Variants in WNK1 observed in about 807,000 individuals in gnomAD.
WNK1 encodes the protein serine/threonine-protein kinase WNK1.
In WNK1, 38 loss-of-function variants were observed where a neutral mutation model predicts 222.8. The observed-to-expected ratio is 0.17, with a 90% confidence interval of 0.13 to 0.22. The LOEUF (loss-of-function observed/expected upper bound fraction) is 0.22. WNK1 is among the 10% of genes least tolerant of loss of function. WNK1 has a pLI of 1.00. For missense variants in WNK1, 2,348 were observed against 2,918.4 expected (o/e 0.80, Z 4.50); for synonymous variants, 1,090 against 1,092.9 (o/e 1.00, Z 0.05).
intron 8 of WNK1, 31 bp downstream of exon 8, chr12:862,301 A>G: frequency 6.2e-7 from 1 of 1,608,162 alleles, no homozygotes; most frequent in Non-Finnish European, 8.5e-7. Context: ...ATGTAATACT[A>G]CAATGAGAGC....
intron 1 of WNK1, among the ~76,000 whole-genome samples, chr12:792,733 A>G (rs951663599): frequency 1.3e-5 from 2 of 152,128 alleles, no homozygotes; most frequent in Non-Finnish European, 2.9e-5. Context: ...TCTTGACCCT[A>G]ACCTCCTTTA....
intron 14 of WNK1, among the ~76,000 whole-genome samples, chr12:882,504 C>T (rs1953264895): frequency 6.6e-6 from 1 of 152,166 alleles, no homozygotes; most frequent in Admixed American, 6.5e-5. Context: ...TTATATAGTA[C>T]TCTTCTCATT....
chr12:758,595 G>C (rs941389472), intron 1 of WNK1, among the ~76,000 whole-genome samples: 2 of 146,136 alleles, frequency 1.4e-5, no homozygotes, highest in Admixed American at 1.4e-4. Context: ...CACCTTGTTA[G>C]CCAGGATGGT....
intron 1 of WNK1, among the ~76,000 whole-genome samples, chr12:776,280 TG>T (rs1943073210): frequency 6.6e-6 from 1 of 152,140 alleles, no homozygotes; most frequent in African/African-American, 2.4e-5. Flanking sequence ...AGTGATCCTT[TG>T]CCTCAGCCTC....
intron 26 of WNK1, chr12:901,585 C>T (rs1955265071): frequency 1.6e-6 from 2 of 1,288,990 alleles, no homozygotes. Flanking sequence ...AACTGTGCAT[C>T]TGAACAGGTG....
At chr12:770,259 C>G (rs1341521229) in intron 1 of WNK1, among the ~76,000 whole-genome samples, 1 of 152,204 alleles carries the variant, frequency 6.6e-6, no homozygotes, top group African/African-American at 2.4e-5. Context: ...TAGGCGTGAG[C>G]CACTGCGCCC....
chr12:834,628 G>T (rs192334601), intron 4 of WNK1, among the ~76,000 whole-genome samples: 277 of 152,282 alleles, frequency 1.8e-3, no homozygotes, highest in Non-Finnish European at 2.3e-3. Context: ...ATACGATCTT[G>T]AGCAATTCAC....
chr12:842,690 T>TC (rs1279685733), intron 4 of WNK1, among the ~76,000 whole-genome samples: 18 of 152,224 alleles, frequency 1.2e-4, no homozygotes, highest in Non-Finnish European at 2.1e-4. Flanking sequence ...TAAAACTTGT[T>TC]CCTTTGAATT....
At chr12:847,506 C>T (rs1285972408) in intron 4 of WNK1, among the ~76,000 whole-genome samples, 2 of 152,134 alleles carry the variant, frequency 1.3e-5, no homozygotes, top group African/African-American at 2.4e-5. Context: ...ACCAGTTTGA[C>T]TGAACTTACT....
chr12:867,753 A>G (rs1951796949), intron 8 of WNK1: 1 of 1,128,316 alleles, frequency 8.9e-7, no homozygotes, highest in Non-Finnish European at 1.3e-6. Flanking sequence ...TTTATTAATT[A>G]TAAATTTAGT....
In WNK1 at chr12:879,704, G is replaced by A. The variant is rs1207329630; in HGVS notation, c.2505G>A (p.Leu835=). 1.2e-6 allele frequency: 2 copies of A among 1,613,622 alleles called. No individual in the cohort carries two copies. Among genetic ancestry groups the A allele is most frequent in the Admixed American group, 3.3e-5 (2 of 59,946 alleles). ...LPVGQPLPTP[L]LPQYPVSQIP... is the part of the protein sequence containing the mutation. ...TGGGACAGCCGCTCCCTACTCCCTT[G>A]CTCCCTCAGTACCCTGTCTCTCAGA... The change falls in exon 11 of 28, where the codon TTG becomes TTA. Residue 835 remains leucine, a synonymous_variant. Transcript: ENST00000315939.
chr12:828,756 T>G (rs2154027098), intron 3 of WNK1, among the ~76,000 whole-genome samples: 1 of 152,362 alleles, frequency 6.6e-6, no homozygotes, highest in South Asian at 2.1e-4. Context: ...TTTGATAAGC[T>G]TTCACTCTAT....
chr12:760,573 G>C (rs1940872632), intron 1 of WNK1, among the ~76,000 whole-genome samples: 2 of 147,622 alleles, frequency 1.4e-5, no homozygotes, highest in Admixed American at 1.3e-4. Flanking sequence ...GCTATAAATT[G>C]TCACCTATTA....
At chr12:780,378 A>G (rs1432885947) in intron 1 of WNK1, among the ~76,000 whole-genome samples, 2 of 152,210 alleles carry the variant, frequency 1.3e-5, no homozygotes, top group Non-Finnish European at 2.9e-5. Flanking sequence ...CTTTTCTTCT[A>G]AGTTTAGACA....
At chr12:806,900 C>T (rs1017173357) in intron 1 of WNK1, among the ~76,000 whole-genome samples, 3 of 152,146 alleles carry the variant, frequency 2.0e-5, no homozygotes, top group African/African-American at 7.2e-5. Context: ...ATCGTATATT[C>T]TCAATATAAA....
intron 4 of WNK1, among the ~76,000 whole-genome samples, chr12:838,296 A>G (rs867759361): frequency 4.6e-5 from 7 of 152,150 alleles, no homozygotes; most frequent in Admixed American, 3.9e-4. Flanking sequence ...TGCTAATCCT[A>G]TGTTTAACCA....
intron 25 of WNK1, among the ~76,000 whole-genome samples, chr12:899,994 C>A (rs1174933915): frequency 6.7e-6 from 1 of 149,846 alleles, no homozygotes; most frequent in African/African-American, 2.5e-5. Flanking sequence ...TACATATGGC[C>A]CTATTACCTA....
At chr12:785,838 G>C (rs1236430951) in intron 1 of WNK1, among the ~76,000 whole-genome samples, 1 of 152,084 alleles carries the variant, frequency 6.6e-6, no homozygotes, top group Non-Finnish European at 1.5e-5. Context: ...CATGAGCCTT[G>C]GTTGTCGCAT....
At chr12:868,193 G>A in intron 8 of WNK1, 3 of 1,613,726 alleles carry the variant, frequency 1.9e-6, no homozygotes, top group Non-Finnish European at 2.5e-6. Context: ...TCCTATGTTT[G>A]AACCATCTCA....
Sources: allele counts gnomAD v4.1 joint callset (sites outside exome capture counted in the v4.1 genomes callset), GRCh38; gene constraint gnomAD v4.1.1; transcripts MANE v1.5; gene names NCBI Gene and HGNC (gene_info 2026-07-23, HGNC 2026-07-21).